The following WDR89 variants were observed in gnomAD, a reference collection of about 807,000 sequenced individuals.
WDR89 encodes the protein WD repeat-containing protein 89.
Under a neutral mutation model 29.1 loss-of-function variants are expected in WDR89, and 17 were observed. The observed-to-expected ratio is 0.58, with a 90% CI of 0.40 to 0.88. The LOEUF is 0.88. Ranked by LOEUF, WDR89 falls within the 40% of genes least tolerant of loss-of-function variation. The pLI, the probability that WDR89 is intolerant of heterozygous loss-of-function variation, is 0.00. For missense variants in WDR89, 396 were observed against 456.3 expected (o/e 0.87, Z 1.20); for synonymous variants, 138 against 157.8 (o/e 0.87, Z 0.94).
chr14:63,605,777 G>A (rs1230354432), intron 2 of WDR89, among the ~76,000 whole-genome samples: 3 of 151,940 alleles, frequency 2.0e-5, no homozygotes, highest in Non-Finnish European at 2.9e-5. Context: ...ACTTTTAATC[G>A]TTATTTTAGA....
intron 2 of WDR89, chr14:63,621,667 T>G (rs1566796425): frequency 6.6e-6 from 1 of 152,120 alleles, no homozygotes; most frequent in Non-Finnish European, 1.5e-5. Flanking sequence ...AATGATAATT[T>G]TAAACACCAA....
chr14:63,597,081 A>G lies in WDR89; in HGVS notation c.*1698T>C, dbSNP rs1417600401. The G allele has an allele frequency of 6.6e-6, 1 of 152,254 alleles. No individual in the cohort carries two copies. Among genetic ancestry groups the G allele is most frequent in the Non-Finnish European group, 1.5e-5 (1 of 68,058 alleles). 9.4% of individuals were successfully genotyped at this position (152,254 alleles called of 1,614,324 possible). A position where few individuals can be genotyped will look rare whatever the true frequency, so the allele number is the denominator to read the frequency against. ...TGTTTAATTGACTGAAGAGTTCAGC[A>G]TGGCCAGGGAGGCCTCAAGAAACTT... is the stretch of plus-strand genomic sequence containing the variant. On this transcript the variant is annotated 3_prime_UTR_variant, in exon 3 of 3. Coordinates refer to ENST00000620954, the MANE Select transcript of WDR89 (RefSeq NM_080666.4).
Position 63,601,558 on chromosome 14 carries a change from T to C in WDR89, c.-31-1585A>G, listed in dbSNP as rs539660885. ...CTTCCACTCTTTGACCGAGTATTGG[T>C]TGAAAGGAGTGCTGTTGAAACTGTA... is the stretch of plus-strand genomic sequence containing the variant. On this transcript the variant is annotated intron_variant, in intron 2 of 2. Coordinates refer to ENST00000620954, the MANE Select transcript of WDR89 (RefSeq NM_080666.4). 15 of 1,592,978 alleles carry C rather than the reference T, an allele frequency of 9.4e-6. No homozygotes were observed. The South Asian group carries it at 1.5e-4, about 16-fold the overall frequency.
chr14:63,607,448 A>G (rs1273473420), intron 2 of WDR89, among the ~76,000 whole-genome samples: 1 of 152,122 alleles, frequency 6.6e-6, no homozygotes, highest in African/African-American at 2.4e-5. Context: ...CAGGCATGAT[A>G]AAACTTTTTA....
intron 2 of WDR89, among the ~76,000 whole-genome samples, chr14:63,619,021 ATATTT>A (rs1882500587): frequency 6.6e-6 from 1 of 152,204 alleles, no homozygotes; most frequent in Admixed American, 6.5e-5. Flanking sequence ...TAGAACAGAG[ATATTT>A]TATGTGTGCG....
intron 2 of WDR89, among the ~76,000 whole-genome samples, chr14:63,602,415 G>T (rs1895109239): frequency 7.2e-6 from 1 of 138,644 alleles, no homozygotes; most frequent in African/African-American, 2.8e-5. Context: ...ATGAGCCAAG[G>T]TCTTGCCACT....
intron 2 of WDR89, among the ~76,000 whole-genome samples, chr14:63,605,224 A>C (rs1895266169): frequency 6.6e-6 from 1 of 151,320 alleles, no homozygotes; most frequent in Non-Finnish European, 1.5e-5. Context: ...ACACACACAC[A>C]CACACACACA....
chr14:63,599,860 C>A lies in WDR89; in HGVS notation c.83G>T (p.Gly28Val). Residue 28 changes from glycine (G) to valine (V), a missense_variant, in exon 3 of 3, where the codon GGT (glycine) becomes GTT (valine). By Grantham distance (109) the Gly-to-Val change is moderately radical. Coordinates refer to ENST00000620954, the MANE Select transcript of WDR89 (RefSeq NM_080666.4). ...LGTKEPTYLLGIDTSKTVQAG... is the reference protein window; with the variant it reads ...LGTKEPTYLLVIDTSKTVQAG... ...TTGGACAGTCTTTGATGTGTCTATACCAAGAAGGTAAGTGGGCTCTTTGGT... is the reference window on the plus strand; with the variant it reads ...TTGGACAGTCTTTGATGTGTCTATAACAAGAAGGTAAGTGGGCTCTTTGGT... The A allele has an allele frequency of 6.2e-7, 1 of 1,614,044 alleles. No homozygotes were observed. The highest frequency in any genetic ancestry group is 8.5e-7 in the Non-Finnish European group (1 of 1,180,008).
chr14:63,629,952 CA>C (rs1883293068), intron 1 of WDR89, among the ~76,000 whole-genome samples: 1 of 151,968 alleles, frequency 6.6e-6, no homozygotes. Flanking sequence ...GTCATAAACA[CA>C]TTTTTTTTTC....
intron 2 of WDR89, among the ~76,000 whole-genome samples, chr14:63,618,485 C>T (rs947269857): frequency 6.6e-6 from 1 of 152,016 alleles, no homozygotes; most frequent in African/African-American, 2.4e-5. Context: ...GAAGAACATT[C>T]AGACAACAGG....
intron 1 of WDR89, among the ~76,000 whole-genome samples, chr14:63,636,778 A>G (rs2139580302): frequency 6.6e-6 from 1 of 152,366 alleles, no homozygotes; most frequent in East Asian, 1.9e-4. Context: ...AAGATGGATT[A>G]AGGACTTAAA....
intron 1 of WDR89, among the ~76,000 whole-genome samples, chr14:63,640,378 G>C (rs1250720987): frequency 6.6e-6 from 1 of 152,200 alleles, no homozygotes; most frequent in East Asian, 1.9e-4. Context: ...AGCTGATGCT[G>C]ACTTGTCCAG....
Position 63,628,238 on chromosome 14 carries a change from C to CA in WDR89, c.-137-3206dup, listed in dbSNP as rs994598860. 2.7e-4 allele frequency among the ~76,000 whole-genome samples: 41 copies of CA among 151,792 alleles called. 1 individual carries two copies. The highest frequency in any genetic ancestry group is 9.4e-4 in the African/African-American group (39 of 41,432). ...CAGGCAACAGAGCAAGACCTTGTCT[C>CA]AAAAAAAATCTAAAATAGTTTAAAA... is the stretch of plus-strand genomic sequence containing the variant. On this transcript the variant is annotated intron_variant, in intron 1 of 2. Transcript: ENST00000620954.
chr14:63,606,476 T>G (rs1429502600), intron 2 of WDR89, among the ~76,000 whole-genome samples: 1 of 152,178 alleles, frequency 6.6e-6, no homozygotes, highest in Non-Finnish European at 1.5e-5. Flanking sequence ...TACCATAATT[T>G]TATTATACCT....
intron 1 of WDR89, among the ~76,000 whole-genome samples, chr14:63,634,134 C>T (rs1883580482): frequency 6.6e-6 from 1 of 152,092 alleles, no homozygotes; most frequent in African/African-American, 2.4e-5. Flanking sequence ...CACCTATAAA[C>T]CCAACACTTT....
intron 1 of WDR89, among the ~76,000 whole-genome samples, chr14:63,641,118 AAAAG>A (rs1315760279): frequency 1.3e-5 from 2 of 151,534 alleles, no homozygotes; most frequent in African/African-American, 4.8e-5. Flanking sequence ...AAAAAAAAGA[AAAAG>A]AAAAAGAAAA....
At chr14:63,608,280 TA>T (rs1438244781) in intron 2 of WDR89, among the ~76,000 whole-genome samples, 4 of 151,812 alleles carry the variant, frequency 2.6e-5, no homozygotes, top group African/African-American at 9.7e-5. Context: ...CATGGTGACT[TA>T]CACCTGTAAT....
chr14:63,640,891 A>G (rs1415409843), intron 1 of WDR89, among the ~76,000 whole-genome samples: 4 of 150,188 alleles, frequency 2.7e-5, no homozygotes, highest in Non-Finnish European at 5.9e-5. Context: ...TGAAGTCAGG[A>G]GTTCGAGACC....
chr14:63,612,993 C>A (rs1244780496), intron 2 of WDR89, among the ~76,000 whole-genome samples: 2 of 152,168 alleles, frequency 1.3e-5, no homozygotes, highest in African/African-American at 2.4e-5. Context: ...AGGACTGTGT[C>A]AGCCCCAGTA....
Sources: gnomAD v4.1 joint callset for allele counts (sites outside exome capture counted in the v4.1 genomes callset) on GRCh38, gnomAD v4.1.1 for gene constraint, MANE v1.5 for transcripts, NCBI Gene and HGNC (gene_info 2026-07-23, HGNC 2026-07-21) for gene names.